ANAPC7: variants seen among roughly 807,000 people sequenced by gnomAD.
ANAPC7 encodes the protein anaphase promoting complex subunit 7, also known as anaphase-promoting complex subunit 7.
ANAPC7 carries 25 observed loss-of-function variants against 63.3 expected under a neutral mutation model. The observed-to-expected ratio is 0.39, with a 90% confidence interval of 0.29 to 0.55. The LOEUF is 0.55. Ranked by LOEUF, ANAPC7 falls within the 20% of genes least tolerant of loss-of-function variation. ANAPC7 has a pLI of 0.57. For synonymous variants in ANAPC7, 241 were observed against 251.7 expected, an observed-to-expected ratio of 0.96 and a Z score of 0.40; for missense variants, 516 against 691.7, an observed-to-expected ratio of 0.75 and a Z score of 2.85.
intron 9 of ANAPC7, 88 bp downstream of exon 9, chr12:110,377,305 C>A (rs903977532): frequency 4.3e-6 from 5 of 1,159,060 alleles, no homozygotes; most frequent in Non-Finnish European, 6.3e-6. Context: ...GTCTAGTCAT[C>A]TGTAACTAGC....
At chr12:110,403,457 C>T in intron 1 of ANAPC7, 70 bp downstream of exon 1, 1 of 1,505,708 alleles carries the variant, frequency 6.6e-7, no homozygotes. Context: ...TTCCCACGTG[C>T]CCTGAGCCCC....
Position 110,376,221 on chromosome 12 carries a change from G to A in ANAPC7, c.1358-5C>T, listed in dbSNP as rs375415723. 2 of 1,613,318 alleles carry A rather than the reference G, an allele frequency of 1.2e-6. No homozygotes were observed. The highest frequency in any genetic ancestry group is 1.7e-6 in the Non-Finnish European group (2 of 1,179,672). On this transcript the variant is annotated splice_polypyrimidine_tract_variant and splice_region_variant and intron_variant, in intron 9 of 10. Coordinates refer to ENST00000455511, the MANE Select transcript of ANAPC7 (RefSeq NM_016238.3). ...CTTCATATTTCTGTTCTCTGCCTGG[G>A]GGAATAAAAAAGACCCTCACTTAAG... is the stretch of plus-strand genomic sequence containing the variant.
intron 1 of ANAPC7, among the ~76,000 whole-genome samples, chr12:110,396,832 G>A: frequency 6.6e-6 from 1 of 151,568 alleles, no homozygotes; most frequent in Non-Finnish European, 1.5e-5. Flanking sequence ...CCTTTTAACA[G>A]TCTGAGATAT....
chr12:110,391,726 C>G (rs888543758), intron 3 of ANAPC7, among the ~76,000 whole-genome samples: 3 of 152,120 alleles, frequency 2.0e-5, no homozygotes, highest in African/African-American at 7.2e-5. Context: ...TACAAATATC[C>G]ACAGGTCATT....
intron 10 of ANAPC7, chr12:110,375,436 C>A (rs1021379320): frequency 4.1e-6 from 4 of 985,402 alleles, no homozygotes; most frequent in Non-Finnish European, 3.6e-6. Context: ...CATAACCTTA[C>A]AGACACACAG....
At chr12:110,374,923 AC>A (rs1254616055) in intron 10 of ANAPC7, among the ~76,000 whole-genome samples, 1 of 139,316 alleles carries the variant, frequency 7.2e-6, no homozygotes, top group Non-Finnish European at 1.5e-5. Flanking sequence ...CGCCACCCCC[AC>A]CCCCAAAGTT....
In ANAPC7 at chr12:110,386,480, T is replaced by A. The variant is rs1409131785; in HGVS notation, c.675-11A>T. On this transcript the variant is annotated splice_polypyrimidine_tract_variant and intron_variant, in intron 5 of 10. Coordinates refer to ENST00000455511, the MANE Select transcript of ANAPC7 (RefSeq NM_016238.3). ...TTTTTCTCTAGTGAACTTTAAGATA[T>A]TTATTAAACATTGAACCTTTAAATC... 1 of 1,603,582 alleles carries A rather than the reference T, an allele frequency of 6.2e-7. No individual in the cohort carries two copies. Among genetic ancestry groups the A allele is most frequent in the Non-Finnish European group, 8.5e-7 (1 of 1,173,948 alleles).
chr12:110,386,324 TA>T lies in ANAPC7; in HGVS notation c.817+2del. 1.2e-6 allele frequency: 2 copies of T among 1,613,846 alleles called. No homozygotes were observed. The highest frequency in any genetic ancestry group is 1.7e-6 in the Non-Finnish European group (2 of 1,179,958). The stretch of plus-strand genomic sequence containing the variant: ...CTGTCTTCCTGCCCCAAGAATTACT[TA>T]CCTTTTATCAGATAAGGATCCAACA... On this transcript the variant is annotated splice_donor_variant, in intron 6 of 10. Coordinates refer to ENST00000455511, the MANE Select transcript of ANAPC7 (RefSeq NM_016238.3). LOFTEE classifies it high-confidence loss of function.
chr12:110,394,375 C>T (rs1343160484), intron 3 of ANAPC7, among the ~76,000 whole-genome samples: 1 of 151,622 alleles, frequency 6.6e-6, no homozygotes, highest in Non-Finnish European at 1.5e-5. Context: ...GCCTGTAATC[C>T]CAACACTTTG....
Position 110,387,587 on chromosome 12 carries a change from G to A in ANAPC7, c.674+152C>T, listed in dbSNP as rs957868269. On this transcript the variant is annotated intron_variant, in intron 5 of 10. Coordinates refer to ENST00000455511, the MANE Select transcript of ANAPC7 (RefSeq NM_016238.3). The stretch of plus-strand genomic sequence containing the variant: ...GAGATGATTACATGATTACATTTGG[G>A]ACCATTCAGTATAAAAGACTAACAC... 1.1e-5 allele frequency: 9 copies of A among 824,428 alleles called. No homozygotes were observed. In the Admixed American group the frequency reaches 2.1e-4, roughly 20 times the overall value. 51.1% of individuals were successfully genotyped at this position (824,428 alleles called of 1,614,324 possible). A position where few individuals can be genotyped will look rare whatever the true frequency, so the allele number is the denominator to read the frequency against.
At chr12:110,398,536 A>T (rs1256932139) in intron 1 of ANAPC7, among the ~76,000 whole-genome samples, 1 of 152,260 alleles carries the variant, frequency 6.6e-6, no homozygotes, top group Non-Finnish European at 1.5e-5. Context: ...TGAGTATTAC[A>T]GTCAAGAATT....
At chr12:110,397,994 C>G (rs1009714654) in intron 1 of ANAPC7, among the ~76,000 whole-genome samples, 2 of 152,090 alleles carry the variant, frequency 1.3e-5, no homozygotes, top group Non-Finnish European at 2.9e-5. Flanking sequence ...ACCTGTAATC[C>G]GAGCACTTTG....
chr12:110,374,396 T>C (rs1881065926), intron 10 of ANAPC7, 63 bp from the exon 11 acceptor site: 1 of 1,527,200 alleles, frequency 6.5e-7, no homozygotes, highest in African/African-American at 1.4e-5. Flanking sequence ...GGCTGATTCG[T>C]CATCTCCCTG....
At chr12:110,395,058 G>A in intron 3 of ANAPC7, 43 bp downstream of exon 3, 2 of 1,598,906 alleles carry the variant, frequency 1.3e-6, no homozygotes, top group Non-Finnish European at 1.7e-6. Flanking sequence ...AGGGAGCAGG[G>A]TTAGGAGAGC....
chr12:110,381,952 GAGAA>G lies in ANAPC7; in HGVS notation c.936-8_936-5del. 5 of 552,954 alleles carry G rather than the reference GAGAA, an allele frequency of 9.0e-6. No homozygotes were observed. The highest frequency in any genetic ancestry group is 1.2e-5 in the Non-Finnish European group (5 of 427,874). The allele number at this position is 552,954 out of a possible 1,614,324, so 34.3% of individuals were successfully genotyped here. On this transcript the variant is annotated splice_polypyrimidine_tract_variant and splice_region_variant and intron_variant, in intron 7 of 10. Coordinates refer to ENST00000455511, the MANE Select transcript of ANAPC7 (RefSeq NM_016238.3). Reference sequence around the variant, plus strand: ...TTTGCTATAGAAGCTGTGACAGCTGGAGAAAAAAAAAAAAAAAAAAACACAAAAA... The same window carrying G: ...TTTGCTATAGAAGCTGTGACAGCTGGAAAAAAAAAAAAAAAAACACAAAAA...
chr12:110,374,851 C>A (rs1052970292), intron 10 of ANAPC7, among the ~76,000 whole-genome samples: 2 of 152,104 alleles, frequency 1.3e-5, no homozygotes, highest in Non-Finnish European at 2.9e-5. Context: ...TAGGTCAGAC[C>A]CCAGGACCCA....
intron 7 of ANAPC7, among the ~76,000 whole-genome samples, chr12:110,382,156 T>C (rs1881917349): frequency 6.6e-6 from 1 of 151,632 alleles, no homozygotes; most frequent in South Asian, 2.1e-4. Context: ...AATCTTGATA[T>C]GGAAGAGAAA....
chr12:110,384,669 G>C (rs1882286658), intron 6 of ANAPC7, among the ~76,000 whole-genome samples: 1 of 146,670 alleles, frequency 6.8e-6, no homozygotes. Flanking sequence ...GTGAGACTCT[G>C]TCTCACAAAA....
intron 3 of ANAPC7, among the ~76,000 whole-genome samples, chr12:110,394,669 C>CA (rs779142936): frequency 0.28 from 12,062 of 42,688 alleles, 3,653 homozygotes; most frequent in East Asian, 0.65. Flanking sequence ...AATTCCACCT[C>CA]AAAAAAAAAA....
Sources: allele counts gnomAD v4.1 joint callset (sites outside exome capture counted in the v4.1 genomes callset), GRCh38; gene constraint gnomAD v4.1.1; transcripts MANE v1.5; gene names NCBI Gene and HGNC (gene_info 2026-07-23, HGNC 2026-07-21).